Variants in TFAP2B observed in about 807,000 individuals in gnomAD.
The protein encoded by TFAP2B is transcription factor AP-2 beta.
A neutral mutation model predicts 44.3 loss-of-function variants in TFAP2B; 9 were observed. The observed-to-expected ratio is 0.20, with a 90% confidence interval of 0.12 to 0.35. The LOEUF (loss-of-function observed/expected upper bound fraction) is 0.35. Among genes scored for constraint, TFAP2B ranks in the 10% least tolerant of loss-of-function variants. The pLI is 1.00. For missense variants in TFAP2B, 509 were observed against 600.0 expected (o/e 0.85, Z 1.59); for synonymous variants, 270 against 263.8 (o/e 1.02, Z -0.23).
intron 6 of TFAP2B, 115 bp from the exon 7 acceptor site, chr6:50,842,977 T>G: frequency 5.8e-6 from 8 of 1,389,914 alleles, no homozygotes; most frequent in Non-Finnish European, 8.2e-6. Context: ...ATCGCCCACA[T>G]TAGCCTCGCT....
intron 2 of TFAP2B, among the ~76,000 whole-genome samples, chr6:50,824,827 C>T (rs1306328856): frequency 2.0e-5 from 3 of 152,182 alleles, no homozygotes; most frequent in Non-Finnish European, 4.4e-5. Flanking sequence ...TTCCTAAAAA[C>T]TGTTTGGGTG....
intron 6 of TFAP2B, among the ~76,000 whole-genome samples, chr6:50,842,218 C>T (rs1444238929): frequency 2.0e-5 from 3 of 152,186 alleles, no homozygotes; most frequent in African/African-American, 7.2e-5. Flanking sequence ...AGCCATTTGA[C>T]CTTCAGGGCT....
chr6:50,826,355 T>A (rs1386440163), intron 2 of TFAP2B, among the ~76,000 whole-genome samples: 1 of 152,136 alleles, frequency 6.6e-6, no homozygotes, highest in Non-Finnish European at 1.5e-5. Context: ...GAGGGTTTTG[T>A]TGTGTGACCC....
chr6:50,826,273 C>T (rs931567022), intron 2 of TFAP2B, among the ~76,000 whole-genome samples: 9 of 152,104 alleles, frequency 5.9e-5, no homozygotes, highest in African/African-American at 9.7e-5. Context: ...TCTCAAGGAC[C>T]TCGTGTGTGT....
At chr6:50,820,216 C>T (rs1770300967) in intron 1 of TFAP2B, among the ~76,000 whole-genome samples, 1 of 152,174 alleles carries the variant, frequency 6.6e-6, no homozygotes, top group Non-Finnish European at 1.5e-5. Context: ...AGAGGCTCCC[C>T]AAAGAGCCGA....
intron 2 of TFAP2B, among the ~76,000 whole-genome samples, chr6:50,824,239 AAC>A (rs1770442263): frequency 6.6e-6 from 1 of 152,184 alleles, no homozygotes; most frequent in South Asian, 2.1e-4. Context: ...CTTCTTTACC[AAC>A]ACACACACCC....
intron 6 of TFAP2B, among the ~76,000 whole-genome samples, chr6:50,842,478 C>T (rs1305476900): frequency 6.6e-6 from 1 of 152,230 alleles, no homozygotes; most frequent in African/African-American, 2.4e-5. Flanking sequence ...CAGTGCCCTA[C>T]ACTTGGAAGA....
rs1267449773 is a variant in TFAP2B at position 50,820,238 on chromosome 6, G to C, written c.81+1266G>C. On this transcript the variant is annotated intron_variant, in intron 1 of 6. Transcript: ENST00000393655. ...CCCCAAAGAGCCGAGAAAGACACGC[G>C]ACCCCTCCGGATCGGGACAGCTCCT... 2.6e-5 allele frequency among the ~76,000 whole-genome samples: 4 copies of C among 152,200 alleles called. No homozygotes were observed. In the East Asian group the frequency reaches 7.8e-4, roughly 30 times the overall value.
chr6:50,828,099 G>A (rs976026770), intron 2 of TFAP2B, among the ~76,000 whole-genome samples: 5 of 152,196 alleles, frequency 3.3e-5, no homozygotes, highest in African/African-American at 4.8e-5. Context: ...GCTGTAATGG[G>A]TGTGCAGTCC....
chr6:50,844,316 C>T lies in TFAP2B; in HGVS notation c.*924C>T, dbSNP rs1045692551. The T allele has an allele frequency of 6.9e-6, 1 of 144,772 alleles. No individual in the cohort carries two copies. The highest frequency in any genetic ancestry group is 2.2e-4 in the South Asian group (1 of 4,492). 9.0% of individuals were successfully genotyped at this position (144,772 alleles called of 1,614,324 possible). On this transcript the variant is annotated 3_prime_UTR_variant, in exon 7 of 7. Coordinates refer to ENST00000393655, the MANE Select transcript of TFAP2B (RefSeq NM_003221.4). Reference sequence around the variant, plus strand: ...AAAAAAAAAAAAACACACACACACACAATATGAATACGTTGATTAGTATGT... The same window carrying T: ...AAAAAAAAAAAAACACACACACACATAATATGAATACGTTGATTAGTATGT...
At position 50,818,900 on chromosome 6, in the gene TFAP2B, A is replaced by G; in HGVS notation, c.9A>G (p.Ser3=). 1 of 1,613,916 alleles carries G rather than the reference A, an allele frequency of 6.2e-7. No homozygotes were observed. The highest frequency in any genetic ancestry group is 1.1e-5 in the South Asian group (1 of 91,064). The change falls in exon 1 of 7, where the codon TCA becomes TCG. Residue 3 remains serine (S), a synonymous_variant. Transcript: ENST00000393655. MH[S]PPRDQAAIML... ...ATCTGCTCCTCACATGAATGCACTC[A>G]CCTCCTAGAGACCAGGCTGCCATCA...
chr6:50,823,626 C>A lies in TFAP2B; in HGVS notation c.301C>A (p.Pro101Thr), dbSNP rs776497907. 1.5e-5 allele frequency: 25 copies of A among 1,614,124 alleles called. No homozygotes were observed. The Middle Eastern group carries it at 6.6e-4, about 43-fold the overall frequency. ...DPYSLNPLHQ[P>T]QQHPWGQRQR... ...CTACTCCCTGAACCCACTGCACCAG[C>A]CCCAGCAACATCCCTGGGGGCAACG... The change falls in exon 2 of 7, where the codon CCC becomes ACC. Residue 101 changes from proline to threonine, a missense_variant. Physicochemically the swap from Pro to Thr is conservative, Grantham distance 38. Around this residue, in one of 3 missense-constraint regions of TFAP2B, gnomAD observed 296 missense variants for 308.2 expected, o/e 0.96. Transcript: ENST00000393655.
intron 6 of TFAP2B, 76 bp from the exon 7 acceptor site, chr6:50,843,016 T>C: frequency 1.9e-6 from 3 of 1,594,044 alleles, no homozygotes; most frequent in Non-Finnish European, 2.6e-6. Flanking sequence ...TCTGGGCTTG[T>C]GTGAGCGTCT....
At position 50,843,081 on chromosome 6, in the gene TFAP2B, C is replaced by A. The variant is rs771791613; in HGVS notation, c.1083-11C>A. ...AGGGTGATTTTCTGTGCCTCGCCCA[C>A]CCCTTTGCAGGCAACTTTGTAAAGA... On this transcript the variant is annotated splice_polypyrimidine_tract_variant and intron_variant, in intron 6 of 6. Transcript: ENST00000393655. 2 of 1,614,246 alleles carry A rather than the reference C, an allele frequency of 1.2e-6. No individual in the cohort carries two copies. Among genetic ancestry groups the A allele is most frequent in the Non-Finnish European group, 8.5e-7 (1 of 1,180,056 alleles).
intron 6 of TFAP2B, among the ~76,000 whole-genome samples, chr6:50,841,389 T>C (rs1762728696): frequency 6.6e-6 from 1 of 152,124 alleles, no homozygotes; most frequent in Non-Finnish European, 1.5e-5. Context: ...TGTCAGTAGA[T>C]TGCCCTCCTG....
intron 3 of TFAP2B, among the ~76,000 whole-genome samples, chr6:50,834,751 C>G (rs755167164): frequency 6.6e-6 from 1 of 152,184 alleles, no homozygotes; most frequent in Non-Finnish European, 1.5e-5. Flanking sequence ...GTGAGATAGA[C>G]TTTATCAAAT....
At chr6:50,828,041 A>G (rs1770576660) in intron 2 of TFAP2B, among the ~76,000 whole-genome samples, 1 of 152,154 alleles carries the variant, frequency 6.6e-6, no homozygotes, top group Non-Finnish European at 1.5e-5. Context: ...CCTCCAAGAG[A>G]CTGTCATTGT....
In TFAP2B at chr6:50,843,231, C is replaced by T; in HGVS notation, c.1222C>T (p.Pro408Ser). 1 of 1,614,222 alleles carries T rather than the reference C, an allele frequency of 6.2e-7. No homozygotes were observed. The highest frequency in any genetic ancestry group is 8.5e-7 in the Non-Finnish European group (1 of 1,180,034). ...FSLITHGFGA[P>S]AICAALTALQ... ...CCTCATCACGCACGGCTTCGGCGCC[C>T]CGGCCATTTGCGCCGCGCTCACGGC... is the stretch of plus-strand genomic sequence containing the variant. Residue 408 changes from proline (P) to serine (S), a missense_variant, in exon 7 of 7, where the codon CCG becomes TCG. Pro to Ser is a moderately conservative substitution (Grantham distance 74). Coordinates refer to ENST00000393655, the MANE Select transcript of TFAP2B (RefSeq NM_003221.4).
chr6:50,836,636 C>T (rs1319830425), intron 4 of TFAP2B, among the ~76,000 whole-genome samples: 1 of 152,188 alleles, frequency 6.6e-6, no homozygotes, highest in African/African-American at 2.4e-5. Context: ...AGCCTGAGTA[C>T]AACGCGGAAC....
Sources: allele counts gnomAD v4.1 joint callset (sites outside exome capture counted in the v4.1 genomes callset), GRCh38; gene constraint gnomAD v4.1.1; regional missense constraint gnomAD v4.1.1; transcripts MANE v1.5; gene names NCBI Gene and HGNC (gene_info 2026-07-23, HGNC 2026-07-21).